The following CADM1 variants were observed in gnomAD, a reference collection of about 807,000 sequenced individuals.
CADM1 encodes cell adhesion molecule 1, also known as TSLC-1.
In CADM1, 15 loss-of-function variants were observed where a neutral mutation model predicts 53.1. The ratio of observed to expected loss-of-function variants is 0.28; its 90% CI spans 0.19 to 0.44. CADM1 has a LOEUF of 0.44. Among genes scored for constraint, CADM1 ranks in the 20% least tolerant of loss-of-function variants. The pLI is 1.00. For synonymous variants in CADM1, 281 were observed against 243.0 expected (o/e 1.16, Z -1.45); for missense variants, 434 against 611.3 (o/e 0.71, Z 3.06).
chr11:115,422,656 C>A (rs1268420831), intron 1 of CADM1, among the ~76,000 whole-genome samples: 2 of 152,020 alleles, frequency 1.3e-5, no homozygotes, highest in Admixed American at 6.6e-5. Flanking sequence ...ATTGAATAGA[C>A]CCTTTTACAA....
chr11:115,447,169 A>T (rs553511658), intron 1 of CADM1, among the ~76,000 whole-genome samples: 1 of 152,310 alleles, frequency 6.6e-6, no homozygotes, highest in Admixed American at 6.5e-5. Flanking sequence ...CCTAGACAAG[A>T]ACATATGGCA....
At chr11:115,358,755 TG>T in intron 1 of CADM1, among the ~76,000 whole-genome samples, 1 of 152,342 alleles carries the variant, frequency 6.6e-6, no homozygotes, top group South Asian at 2.1e-4. Flanking sequence ...TACGTAGACC[TG>T]TACCTTTTCC....
chr11:115,373,163 A>C (rs971170839), intron 1 of CADM1, among the ~76,000 whole-genome samples: 6 of 152,204 alleles, frequency 3.9e-5, no homozygotes, highest in Admixed American at 6.5e-5. Flanking sequence ...TAGCATTTCA[A>C]GCGGTCAAAG....
At chr11:115,193,508 G>A (rs1488488388) in intron 9 of CADM1, among the ~76,000 whole-genome samples, 2 of 152,080 alleles carry the variant, frequency 1.3e-5, no homozygotes, top group Non-Finnish European at 2.9e-5. Flanking sequence ...CCCTAAGCCC[G>A]CTCAGGTAAT....
chr11:115,204,435 G>C (rs1395232318), intron 8 of CADM1, among the ~76,000 whole-genome samples: 1 of 152,206 alleles, frequency 6.6e-6, no homozygotes, highest in African/African-American at 2.4e-5. Context: ...GGTTTAGGGA[G>C]TATTTTGTCT....
At chr11:115,190,118 T>A (rs1483674377) in intron 10 of CADM1, among the ~76,000 whole-genome samples, 1 of 152,214 alleles carries the variant, frequency 6.6e-6, no homozygotes, top group Non-Finnish European at 1.5e-5. Context: ...AAGAAGGGCC[T>A]TGCTTACTGA....
chr11:115,390,557 T>C (rs891803122), intron 1 of CADM1, among the ~76,000 whole-genome samples: 8 of 150,726 alleles, frequency 5.3e-5, no homozygotes, highest in Non-Finnish European at 5.9e-5. Context: ...TAAGTGACAA[T>C]GATCAGATGT....
chr11:115,287,944 G>A (rs1055226997), intron 1 of CADM1, among the ~76,000 whole-genome samples: 1 of 152,172 alleles, frequency 6.6e-6, no homozygotes, highest in African/African-American at 2.4e-5. Flanking sequence ...ACATCATTAT[G>A]TCAGGTGATG....
chr11:115,303,651 G>A (rs1453293263), intron 1 of CADM1, among the ~76,000 whole-genome samples: 4 of 152,054 alleles, frequency 2.6e-5, no homozygotes, highest in Middle Eastern at 3.4e-3. Flanking sequence ...ACAGGTAAAC[G>A]TCACATCTCA....
chr11:115,289,539 G>A (rs7936399), intron 1 of CADM1, among the ~76,000 whole-genome samples: 1 of 150,808 alleles, frequency 6.6e-6, no homozygotes, highest in African/African-American at 2.4e-5. Context: ...TCAACATATG[G>A]GAGCACTTGA....
intron 1 of CADM1, among the ~76,000 whole-genome samples, chr11:115,260,319 T>A (rs906284641): frequency 1.3e-5 from 2 of 152,234 alleles, no homozygotes; most frequent in African/African-American, 4.8e-5. Context: ...GTAAGACAGG[T>A]AGAGCTCAAC....
intron 1 of CADM1, among the ~76,000 whole-genome samples, chr11:115,408,359 G>C (rs529701508): frequency 6.6e-6 from 1 of 152,196 alleles, no homozygotes; most frequent in Non-Finnish European, 1.5e-5. Context: ...ACTACAGCTA[G>C]TTGGCTGTCC....
intron 1 of CADM1, among the ~76,000 whole-genome samples, chr11:115,314,992 T>C (rs534660039): frequency 7.6e-4 from 115 of 152,122 alleles, no homozygotes; most frequent in Non-Finnish European, 1.3e-3. Context: ...GGGATGTAAA[T>C]TGTGATCGGA....
At chr11:115,501,785 G>C (rs757018693) in intron 1 of CADM1, among the ~76,000 whole-genome samples, 6 of 152,122 alleles carry the variant, frequency 3.9e-5, no homozygotes, top group Non-Finnish European at 7.3e-5. Context: ...GGAACTGGAG[G>C]CCTCTGAGAA....
intron 1 of CADM1, among the ~76,000 whole-genome samples, chr11:115,241,154 A>C (rs1055127050): frequency 6.6e-6 from 1 of 152,088 alleles, no homozygotes; most frequent in Non-Finnish European, 1.5e-5. Context: ...TTTCAGATTC[A>C]CTGATATATA....
chr11:115,347,776 T>A (rs1322682134), intron 1 of CADM1, among the ~76,000 whole-genome samples: 2 of 152,234 alleles, frequency 1.3e-5, no homozygotes, highest in Non-Finnish European at 2.9e-5. Context: ...GCCCTCACTA[T>A]ACTGCCATGC....
intron 7 of CADM1, among the ~76,000 whole-genome samples, chr11:115,211,522 C>T (rs1393748611): frequency 2.0e-5 from 3 of 147,914 alleles, no homozygotes; most frequent in East Asian, 3.9e-4. Context: ...CTTTGTCGCC[C>T]AGGCTGGAGT....
At chr11:115,436,932 T>C (rs1009723136) in intron 1 of CADM1, among the ~76,000 whole-genome samples, 6 of 152,204 alleles carry the variant, frequency 3.9e-5, no homozygotes, top group African/African-American at 1.4e-4. Flanking sequence ...TTCATTTTAC[T>C]GATGAAGCTG....
intron 1 of CADM1, among the ~76,000 whole-genome samples, chr11:115,316,346 G>A (rs1419132423): frequency 1.3e-5 from 2 of 152,082 alleles, no homozygotes; most frequent in African/African-American, 4.8e-5. Flanking sequence ...TTGCAAAGGA[G>A]GCATTTAAAC....
Sources: gnomAD v4.1 joint callset for allele counts (sites outside exome capture counted in the v4.1 genomes callset) on GRCh38, gnomAD v4.1.1 for gene constraint, MANE v1.5 for transcripts, NCBI Gene and HGNC (gene_info 2026-07-23, HGNC 2026-07-21) for gene names.